Variants in UST observed in about 807,000 individuals in gnomAD.
The protein encoded by UST is uronyl 2-sulfotransferase, also known as chondroitin sulfate 2-O-sulfotransferase.
In UST, 21 loss-of-function variants were observed where a neutral mutation model predicts 45.6. The observed-to-expected ratio is 0.46, with a 90% CI of 0.33 to 0.66. The LOEUF is 0.66. UST is among the 30% of genes least tolerant of loss of function. The pLI is 0.02. For missense variants in UST, 463 were observed against 512.4 expected (o/e 0.90, Z 0.93); for synonymous variants, 215 against 200.6 (o/e 1.07, Z -0.61).
chr6:148,775,894 A>T (rs1188264898), intron 1 of UST, among the ~76,000 whole-genome samples: 1 of 152,104 alleles, frequency 6.6e-6, no homozygotes, highest in South Asian at 2.1e-4. Context: ...AGCCTCCCAA[A>T]GTGCTGGGAT....
intron 5 of UST, among the ~76,000 whole-genome samples, chr6:149,014,662 C>A (rs895100746): frequency 1.3e-5 from 2 of 152,174 alleles, no homozygotes; most frequent in African/African-American, 4.8e-5. Context: ...CCGCCAGAAA[C>A]CTGGGCCTGC....
In UST at chr6:148,938,527, A is replaced by G. The variant is rs146562557; in HGVS notation, c.292-2752A>G. Among the ~76,000 whole-genome samples, 285 of 152,284 alleles carry G rather than the reference A, an allele frequency of 1.9e-3. 2 individuals are homozygous for G. The highest frequency in any genetic ancestry group is 6.7e-3 in the African/African-American group (279 of 41,578). Reference sequence around the variant, plus strand: ...CTATAATTGCAAAGGCAAAAATTCAAATGACCTACCATAATATATTTATGT... The same window carrying G: ...CTATAATTGCAAAGGCAAAAATTCAGATGACCTACCATAATATATTTATGT... On this transcript the variant is annotated intron_variant, in intron 2 of 7. Transcript: ENST00000367463.
chr6:148,980,961 GT>G (rs1398216957), intron 5 of UST, among the ~76,000 whole-genome samples: 1 of 152,046 alleles, frequency 6.6e-6, no homozygotes, highest in African/African-American at 2.4e-5. Flanking sequence ...CTAAGCTCAA[GT>G]GATCCTCCCA....
chr6:148,923,003 G>A (rs1779745960), intron 2 of UST, among the ~76,000 whole-genome samples: 2 of 151,916 alleles, frequency 1.3e-5, no homozygotes, highest in Non-Finnish European at 2.9e-5. Flanking sequence ...GTGTTGGCCA[G>A]GCTGGTCTCA....
chr6:148,758,170 C>A (rs1039377251), intron 1 of UST, among the ~76,000 whole-genome samples: 1 of 152,178 alleles, frequency 6.6e-6, no homozygotes, highest in African/African-American at 2.4e-5. Context: ...GATAACCTGA[C>A]TTCCAATTGA....
At chr6:148,952,972 A>G (rs1281704248) in intron 3 of UST, among the ~76,000 whole-genome samples, 2 of 152,332 alleles carry the variant, frequency 1.3e-5, no homozygotes, top group East Asian at 3.9e-4. Context: ...GAAGGCCATA[A>G]AAGTTAGTTT....
rs1780163303 is a variant in UST at position 148,943,178 on chromosome 6, TCTAA to T, written c.447+1747_447+1750del. Among the ~76,000 whole-genome samples the T allele has an allele frequency of 2.0e-5, 3 of 152,240 alleles. No individual in the cohort carries two copies. The South Asian group carries it at 6.2e-4, about 32-fold the overall frequency. ...TTATTAAATTTGGTGTTCTTTTGAATCTAACTCTTATGGCCTGCTTATCTATGGG... is the reference window on the plus strand; with the variant it reads ...TTATTAAATTTGGTGTTCTTTTGAATCTCTTATGGCCTGCTTATCTATGGG... On this transcript the variant is annotated intron_variant, in intron 3 of 7. Transcript: ENST00000367463.
At chr6:148,952,606 T>C (rs1780386606) in intron 3 of UST, among the ~76,000 whole-genome samples, 1 of 152,244 alleles carries the variant, frequency 6.6e-6, no homozygotes. Flanking sequence ...AGCCCCTGTG[T>C]TAGACATGAA....
At chr6:148,846,412 G>A (rs1353853160) in intron 1 of UST, among the ~76,000 whole-genome samples, 2 of 151,880 alleles carry the variant, frequency 1.3e-5, no homozygotes, top group South Asian at 2.1e-4. Flanking sequence ...ACACATGGAC[G>A]TAGGAAGCGG....
At chr6:148,995,433 T>G (rs1485175590) in intron 5 of UST, among the ~76,000 whole-genome samples, 2 of 152,200 alleles carry the variant, frequency 1.3e-5, no homozygotes, top group African/African-American at 4.8e-5. Flanking sequence ...ACCCAGATCA[T>G]CTGATGGCTA....
intron 2 of UST, among the ~76,000 whole-genome samples, chr6:148,899,114 T>G (rs905461235): frequency 1.4e-5 from 2 of 144,738 alleles, no homozygotes; most frequent in East Asian, 4.1e-4. Context: ...TTTTTTTTTT[T>G]TTTGAGATGG....
At position 148,841,967 on chromosome 6, in the gene UST, G is replaced by T. The variant is rs552760997; in HGVS notation, c.248-45019G>T. Among the ~76,000 whole-genome samples the T allele has an allele frequency of 3.3e-5, 5 of 152,258 alleles. No homozygotes were observed. In the South Asian group the frequency reaches 1.0e-3, roughly 32 times the overall value. ...CTAGAAATACAAAAATTAGCTGGAC[G>T]TGGTGGCACGTGCCTGTAATCCCAG... On this transcript the variant is annotated intron_variant, in intron 1 of 7. Coordinates refer to ENST00000367463, the MANE Select transcript of UST (RefSeq NM_005715.3).
intron 1 of UST, among the ~76,000 whole-genome samples, chr6:148,830,943 G>A: frequency 6.6e-6 from 1 of 151,688 alleles, no homozygotes. Flanking sequence ...CTTAAAAATG[G>A]TAAATTATAT....
intron 5 of UST, among the ~76,000 whole-genome samples, chr6:148,981,683 C>T (rs111399429): frequency 8.9e-4 from 136 of 152,332 alleles, no homozygotes; most frequent in African/African-American, 2.8e-3. Flanking sequence ...TAAGTGCATA[C>T]ATATTTGATT....
intron 1 of UST, among the ~76,000 whole-genome samples, chr6:148,776,296 CAAG>C (rs1282101668): frequency 2.6e-5 from 4 of 152,162 alleles, no homozygotes; most frequent in Non-Finnish European, 5.9e-5. Context: ...GATCTTCTTC[CAAG>C]ATTTTTAAAA....
chr6:148,842,085 G>A (rs984819875), intron 1 of UST, among the ~76,000 whole-genome samples: 1 of 152,166 alleles, frequency 6.6e-6, no homozygotes, highest in Admixed American at 6.5e-5. Context: ...GAGCCTGGGT[G>A]ACAGAGTGAG....
chr6:149,043,012 TTTCTTTCTTTTTC>T (rs1776342395), intron 7 of UST, among the ~76,000 whole-genome samples: 1 of 106,884 alleles, frequency 9.4e-6, no homozygotes, highest in African/African-American at 4.9e-5. Context: ...TCTTTCTTTC[TTTCTTTCTTTTTC>T]TTTCTTTCTT....
At chr6:148,814,848 A>T (rs1175658547) in intron 1 of UST, among the ~76,000 whole-genome samples, 3 of 152,204 alleles carry the variant, frequency 2.0e-5, no homozygotes, top group African/African-American at 7.2e-5. Context: ...GGTCAGGGTC[A>T]GCCCCTGTTG....
intron 1 of UST, among the ~76,000 whole-genome samples, chr6:148,763,690 G>A (rs1776264859): frequency 6.6e-6 from 1 of 152,056 alleles, no homozygotes; most frequent in African/African-American, 2.4e-5. Context: ...AAGAAAAGGG[G>A]TCCAGTTTCA....
Sources: gnomAD v4.1 joint callset for allele counts (sites outside exome capture counted in the v4.1 genomes callset) on GRCh38, gnomAD v4.1.1 for gene constraint, MANE v1.5 for transcripts, NCBI Gene and HGNC (gene_info 2026-07-23, HGNC 2026-07-21) for gene names.